The following ACBD5 variants were observed in gnomAD, a reference collection of about 807,000 sequenced individuals.
ACBD5 encodes the protein acyl-CoA binding domain containing 5.
In ACBD5, 40 loss-of-function variants were observed where a neutral mutation model predicts 71.8. That is an observed-to-expected ratio of 0.56 (90% confidence interval 0.43 to 0.72). ACBD5 has a LOEUF of 0.72. Ranked by LOEUF, ACBD5 falls within the 30% of genes least tolerant of loss-of-function variation. The pLI, the probability that ACBD5 is intolerant of heterozygous loss-of-function variation, is 0.00. For synonymous variants in ACBD5, 229 were observed against 218.6 expected, an observed-to-expected ratio of 1.05 and a Z score of -0.42; for missense variants, 559 against 644.5, an observed-to-expected ratio of 0.87 and a Z score of 1.44.
chr10:27,233,143 T>G (rs2064121572), intron 3 of ACBD5, among the ~76,000 whole-genome samples: 1 of 151,860 alleles, frequency 6.6e-6, no homozygotes, highest in East Asian at 1.9e-4. Flanking sequence ...CAAACAAAAA[T>G]GGGCAGGGCA....
In ACBD5 at chr10:27,231,732, G is replaced by C; in HGVS notation, c.375+16C>G. On this transcript the variant is annotated intron_variant, in intron 4 of 12. Transcript: ENST00000396271. ...TGCTCTGAATTTTCATTTTAACTGTGAATTATTTTCCCTACCTTTTTCATT... is the reference window on the plus strand; with the variant it reads ...TGCTCTGAATTTTCATTTTAACTGTCAATTATTTTCCCTACCTTTTTCATT... 1 of 1,611,916 alleles carries C rather than the reference G, an allele frequency of 6.2e-7. No individual in the cohort carries two copies. Among genetic ancestry groups the C allele is most frequent in the Non-Finnish European group, 8.5e-7 (1 of 1,178,512 alleles).
At chr10:27,193,104 T>C (rs2059146743), downstream of ACBD5, among the ~76,000 whole-genome samples, 1 of 137,900 alleles carries the variant, frequency 7.3e-6, no homozygotes. Flanking sequence ...CTCTCTCTCT[T>C]TCCTTCCTTC....
At chr10:27,183,402 GC>G (rs2058441387) in intron 13 of ACBD5, among the ~76,000 whole-genome samples, 1 of 151,956 alleles carries the variant, frequency 6.6e-6, no homozygotes, top group South Asian at 2.1e-4. Context: ...TCCTGCCTCA[GC>G]CCCCCAAGTA....
chr10:27,197,446 T>C lies in ACBD5; in HGVS notation c.1566-4A>G. ...CCATTTTCCTCAGTTCAGTTTTCTT[T>C]AAAAAGAAAATAAAAACCAATTTCC... On this transcript the variant is annotated splice_polypyrimidine_tract_variant and splice_region_variant and intron_variant, in intron 12 of 12. Coordinates refer to ENST00000396271, the MANE Select transcript of ACBD5 (RefSeq NM_145698.5). 1 of 1,604,998 alleles carries C rather than the reference T, an allele frequency of 6.2e-7. No individual in the cohort carries two copies.
intron 2 of ACBD5, among the ~76,000 whole-genome samples, chr10:27,238,476 C>T (rs12250812): frequency 6.6e-6 from 1 of 152,128 alleles, no homozygotes; most frequent in Non-Finnish European, 1.5e-5. Context: ...TTACATAAAA[C>T]TCTTAGAATC....
chr10:27,187,136 C>G (rs2058812007), intron 13 of ACBD5, among the ~76,000 whole-genome samples: 1 of 152,080 alleles, frequency 6.6e-6, no homozygotes, highest in African/African-American at 2.4e-5. Context: ...CCCATCTCTA[C>G]TGTAAATACA....
intron 4 of ACBD5, among the ~76,000 whole-genome samples, chr10:27,231,067 T>C (rs778070823): frequency 5.4e-4 from 82 of 152,286 alleles, no homozygotes; most frequent in Non-Finnish European, 1.0e-3. Flanking sequence ...CATGAGAACA[T>C]TGTTGAACTA....
At chr10:27,216,035 T>C (rs4749240) in intron 7 of ACBD5, among the ~76,000 whole-genome samples, 81,209 of 151,580 alleles carry the variant, frequency 0.54, 24,064 homozygotes, top group Non-Finnish European at 0.67. Context: ...CCAACACACC[T>C]GGCTAATTTT....
chr10:27,227,782 G>A (rs185514402), intron 4 of ACBD5, among the ~76,000 whole-genome samples: 81 of 151,908 alleles, frequency 5.3e-4, no homozygotes, highest in Admixed American at 4.1e-3. Context: ...GTGTGATCTC[G>A]ACTCCCTGCA....
At chr10:27,224,431 T>C (rs1477556545) in intron 4 of ACBD5, among the ~76,000 whole-genome samples, 1 of 151,922 alleles carries the variant, frequency 6.6e-6, no homozygotes, top group Non-Finnish European at 1.5e-5. Flanking sequence ...TTAAACGAAA[T>C]AGAAAACTGA....
intron 2 of ACBD5, among the ~76,000 whole-genome samples, chr10:27,236,045 T>C (rs2064636929): frequency 6.7e-6 from 1 of 150,238 alleles, no homozygotes; most frequent in African/African-American, 2.5e-5. Context: ...CCTGGGGAGG[T>C]CAAGGATGCA....
intron 6 of ACBD5, among the ~76,000 whole-genome samples, chr10:27,219,247 C>A (rs1251011209): frequency 6.6e-6 from 1 of 151,522 alleles, no homozygotes; most frequent in Non-Finnish European, 1.5e-5. Flanking sequence ...GCAGAGGCTG[C>A]AGTGAGCAGC....
At chr10:27,186,513 A>T in intron 13 of ACBD5, 2 of 1,614,078 alleles carry the variant, frequency 1.2e-6, no homozygotes, top group Non-Finnish European at 1.7e-6. Flanking sequence ...TCAGCACCTG[A>T]CTGTATCTGG....
chr10:27,199,181 C>T (rs1334472904), intron 12 of ACBD5, among the ~76,000 whole-genome samples: 1 of 151,024 alleles, frequency 6.6e-6, no homozygotes, highest in African/African-American at 2.4e-5. Context: ...CTCGATGAAC[C>T]CCCAATCTTT....
intron 9 of ACBD5, 26 bp from the exon 10 acceptor site, chr10:27,208,471 T>C (rs1390580217): frequency 1.9e-6 from 3 of 1,607,682 alleles, no homozygotes; most frequent in African/African-American, 2.7e-5. Context: ...AAAATAAGCT[T>C]GTTTTAAATA....
chr10:27,228,537 G>A lies in ACBD5; in HGVS notation c.375+3211C>T, dbSNP rs1303178721. Among the ~76,000 whole-genome samples the A allele has an allele frequency of 2.6e-5, 4 of 151,296 alleles. No individual in the cohort carries two copies. In the East Asian group the frequency reaches 5.9e-4, roughly 22 times the overall value. Reference sequence around the variant, plus strand: ...CGTTGCAGTGAGCCAAGATGGCGCCGTTACACTCTAGCCCAGGCGACAGTG... The same window carrying A: ...CGTTGCAGTGAGCCAAGATGGCGCCATTACACTCTAGCCCAGGCGACAGTG... On this transcript the variant is annotated intron_variant, in intron 4 of 12. Transcript: ENST00000396271.
At chr10:27,223,221 G>C (rs1285707696) in intron 5 of ACBD5, 117 bp downstream of exon 5, 1 of 780,438 alleles carries the variant, frequency 1.3e-6, no homozygotes, top group East Asian at 2.6e-5. Flanking sequence ...TAAACATTTA[G>C]AGATTTTCTC....
At chr10:27,224,400 CAAAA>C (rs1366027635) in intron 4 of ACBD5, among the ~76,000 whole-genome samples, 2 of 151,588 alleles carry the variant, frequency 1.3e-5, no homozygotes, top group Admixed American at 6.6e-5. Flanking sequence ...AGGAAACAAA[CAAAA>C]AAACTAGGGG....
downstream of ACBD5, among the ~76,000 whole-genome samples, chr10:27,192,742 C>T (rs1467084058): frequency 3.9e-5 from 6 of 152,082 alleles, no homozygotes; most frequent in Non-Finnish European, 8.8e-5. Context: ...GAGGCCGAGG[C>T]GGGTGGATCA....
Sources: allele counts gnomAD v4.1 joint callset (sites outside exome capture counted in the v4.1 genomes callset), GRCh38; gene constraint gnomAD v4.1.1; transcripts MANE v1.5; gene names NCBI Gene and HGNC (gene_info 2026-07-23, HGNC 2026-07-21).